ITGB4: variants seen among roughly 807,000 people sequenced by gnomAD.
ITGB4 encodes integrin beta-4.
A neutral mutation model predicts 207.6 loss-of-function variants in ITGB4; 159 were observed. The ratio of observed to expected loss-of-function variants is 0.77; its 90% CI spans 0.67 to 0.87. ITGB4 has a LOEUF of 0.87. Ranked by LOEUF, ITGB4 falls within the 40% of genes least tolerant of loss-of-function variation. ITGB4 has a pLI of 0.00. For missense variants in ITGB4, 2,278 were observed against 2,546.8 expected, an observed-to-expected ratio of 0.89 and a Z score of 2.27; for synonymous variants, 1,020 against 1,062.7, an observed-to-expected ratio of 0.96 and a Z score of 0.78.
intron 13 of ITGB4, among the ~76,000 whole-genome samples, chr17:75,734,127 G>GT (rs58249158): frequency 0.027 from 2,064 of 76,092 alleles, 382 homozygotes; most frequent in African/African-American, 0.067. Flanking sequence ...TGTTGCTGCT[G>GT]TTTTTTTTTT....
In ITGB4 at chr17:75,731,845, C is replaced by T; in HGVS notation, c.1249C>T (p.His417Tyr). Residue 417 changes from histidine (H) to tyrosine (Y), a missense_variant, in exon 11 of 40, where the codon CAC becomes TAC. Transcript: ENST00000200181. This position sits in a 1 kb window ranked among gnomAD's most constrained non-coding sequence, Gnocchi z 6.8. ...IYQVQLRALE[H>Y]VDGTHVCQLP... is the part of the protein sequence containing the mutation. ...CCAGGTGCAGCTGCGGGCCCTTGAG[C>T]ACGTGGATGGGACGCACGTGTGCCA... 4 of 1,611,044 alleles carry T rather than the reference C, an allele frequency of 2.5e-6. No homozygotes were observed. The highest frequency in any genetic ancestry group is 3.4e-6 in the Non-Finnish European group (4 of 1,178,796).
In ITGB4 at chr17:75,743,814, T is replaced by C; in HGVS notation, c.3064T>C (p.Ser1022Pro). 1 of 1,610,422 alleles carries C rather than the reference T, an allele frequency of 6.2e-7. No individual in the cohort carries two copies. Among genetic ancestry groups the C allele is most frequent in the Non-Finnish European group, 8.5e-7 (1 of 1,178,692 alleles). Residue 1022 changes from serine (S) to proline (P), a missense_variant, in exon 26 of 40, where the codon TCC (serine) becomes CCC (proline). By Grantham distance (74) the Ser-to-Pro change is moderately conservative. Transcript: ENST00000200181. Reference protein sequence around the residue: ...VIRRVLDGGKSQVSYRTQDGT... With the variant: ...VIRRVLDGGKPQVSYRTQDGT... ...CCGGCGTGTCCTGGACGGCGGGAAG[T>C]CCCAGGTCTCCTACCGCACACAGGA...
At chr17:75,725,303 A>AT (rs2060696293) in intron 2 of ITGB4, among the ~76,000 whole-genome samples, 1 of 151,612 alleles carries the variant, frequency 6.6e-6, no homozygotes, top group African/African-American at 2.4e-5. Context: ...AGCCGTTGTT[A>AT]TTTTTTTATT....
chr17:75,756,834 G>A lies in ITGB4; in HGVS notation c.5028G>A (p.Val1676=). ...ATGGGGATATCGTCGGCTACCTGGT[G>A]ACCTGTGAGATGGCCCAAGGAGGAG... ...RPNGDIVGYL[V]TCEMAQGGGP... Residue 1676 remains valine (V), a synonymous_variant, in exon 37 of 40, where the codon GTG becomes GTA. Transcript: ENST00000200181. 6.2e-7 allele frequency: 1 copy of A among 1,612,362 alleles called. No individual in the cohort carries two copies. Among genetic ancestry groups the A allele is most frequent in the South Asian group, 1.1e-5 (1 of 91,052 alleles).
chr17:75,755,157 GC>G (rs755123653), intron 34 of ITGB4: 2 of 1,611,652 alleles, frequency 1.2e-6, no homozygotes, highest in Non-Finnish European at 1.7e-6. Flanking sequence ...CCTTCCAGGG[GC>G]CCACGAGACT....
intron 35 of ITGB4, 69 bp from the exon 36 acceptor site, chr17:75,756,360 G>A (rs550246005): frequency 1.3e-6 from 2 of 1,567,794 alleles, no homozygotes; most frequent in African/African-American, 2.7e-5. Flanking sequence ...GCAGCTTAGG[G>A]ACGAGGAGGA....
At chr17:75,745,438 AAG>A (rs2061212334) in intron 26 of ITGB4, among the ~76,000 whole-genome samples, 1 of 152,106 alleles carries the variant, frequency 6.6e-6, no homozygotes, top group Admixed American at 6.5e-5. Flanking sequence ...CAAAAAAACA[AAG>A]AAACAAAACC....
Position 75,730,220 on chromosome 17 carries a change from G to A in ITGB4, c.739-21G>A, listed in dbSNP as rs532372964. Reference sequence around the variant, plus strand: ...AGCAGGCAGCCTGCTCAGTGGGCACGCCCCGCCTTGCCTTCCCCAGAGGGA... The same window carrying A: ...AGCAGGCAGCCTGCTCAGTGGGCACACCCCGCCTTGCCTTCCCCAGAGGGA... On this transcript the variant is annotated intron_variant, in intron 7 of 39. Transcript: ENST00000200181. The A allele has an allele frequency of 2.5e-5, 40 of 1,611,754 alleles. No homozygotes were observed. In the East Asian group the frequency reaches 4.9e-4, roughly 20 times the overall value.
At chr17:75,738,362 G>C (rs2061029099) in intron 18 of ITGB4, among the ~76,000 whole-genome samples, 1 of 152,170 alleles carries the variant, frequency 6.6e-6, no homozygotes, top group Non-Finnish European at 1.5e-5. Context: ...TCTTTGTGCT[G>C]TCGCCACAGC....
At position 75,732,052 on chromosome 17, in the gene ITGB4, T is replaced by A. The variant is rs2060873232; in HGVS notation, c.1377+79T>A. 1 of 1,609,000 alleles carries A rather than the reference T, an allele frequency of 6.2e-7. No individual in the cohort carries two copies. The highest frequency in any genetic ancestry group is 1.1e-5 in the South Asian group (1 of 90,944). ...ACCCTGAGGAATGAAGCAGGACTCC[T>A]GTGCCCCATATCCCTTGTGGGGTTT... On this transcript the variant is annotated intron_variant, in intron 11 of 39. Transcript: ENST00000200181. This position sits in a 1 kb window ranked among gnomAD's most constrained non-coding sequence, Gnocchi z 5.3.
At position 75,748,962 on chromosome 17, in the gene ITGB4, G is replaced by T; in HGVS notation, c.3233G>T (p.Arg1078Leu). 1.9e-6 allele frequency: 3 copies of T among 1,613,416 alleles called. No homozygotes were observed. Among genetic ancestry groups the T allele is most frequent in the Non-Finnish European group, 2.5e-6 (3 of 1,179,994 alleles). Residue 1078 changes from arginine (R) to leucine (L), a missense_variant, in exon 27 of 40, where the codon CGT (arginine) becomes CTT (leucine). Transcript: ENST00000200181. ...CTCCTGCGGGGCCGCCAGGTCCGCC[G>T]TTTCCACGTCCAGCTCAGCAACCCT... is the stretch of plus-strand genomic sequence containing the variant. ...DSLLRGRQVRRFHVQLSNPKF... is the reference protein window; with the variant it reads ...DSLLRGRQVRLFHVQLSNPKF...
chr17:75,754,860 C>G (rs780529236), intron 34 of ITGB4, 45 bp downstream of exon 34: 11 of 1,613,104 alleles, frequency 6.8e-6, no homozygotes, highest in African/African-American at 1.3e-5. Context: ...AACCCTTCCT[C>G]TCTTCCAGCT....
intron 32 of ITGB4, 84 bp downstream of exon 32, chr17:75,752,661 G>A: frequency 6.4e-7 from 1 of 1,551,564 alleles, no homozygotes; most frequent in Non-Finnish European, 8.8e-7. Flanking sequence ...AGGGCAAAGG[G>A]GCCAGCAACT....
rs543945383 is a variant in ITGB4, at chr17:75,753,869, G to A, written c.4213G>A (p.Gly1405Arg). 2.2e-6 allele frequency: 3 copies of A among 1,358,880 alleles called. No homozygotes were observed. The highest frequency in any genetic ancestry group is 9.5e-7 in the Non-Finnish European group (1 of 1,054,910). The allele number at this position is 1,358,880 out of a possible 1,614,324, so 84.2% of individuals were successfully genotyped here. A position where few individuals can be genotyped will look rare whatever the true frequency, so the allele number is the denominator to read the frequency against. The change falls in exon 33 of 40, where the codon GGG becomes AGG. Residue 1405 changes from glycine (G) to arginine (R), a missense_variant. Coordinates refer to ENST00000200181, the MANE Select transcript of ITGB4 (RefSeq NM_000213.5). ...CATCCCGCGCCTGTCGGCCAGCAGCGGGCGCTCCTCCGACGCCGAGGCGCC... is the reference window on the plus strand; with the variant it reads ...CATCCCGCGCCTGTCGGCCAGCAGCAGGCGCTCCTCCGACGCCGAGGCGCC... ...ELIPRLSASS[G>R]RSSDAEAPHG...
Position 75,754,801 on chromosome 17 carries a change from C to T in ITGB4, c.4544C>T (p.Ser1515Phe). The T allele has an allele frequency of 6.2e-7, 1 of 1,614,140 alleles. No individual in the cohort carries two copies. The highest frequency in any genetic ancestry group is 1.3e-5 in the African/African-American group (1 of 75,052). ...TLPRDYSTLT[S>F]VSSHDSRLTA... ...CCCAGGGACTACTCCACCCTCACCT[C>T]CGTCTCCTCCCACGGTGAGTGACCT... The change falls in exon 34 of 40, where the codon TCC becomes TTC. Residue 1515 changes from serine to phenylalanine, a missense_variant. Transcript: ENST00000200181.
intron 6 of ITGB4, among the ~76,000 whole-genome samples, chr17:75,728,767 G>A (rs565365324): frequency 2.4e-4 from 37 of 152,144 alleles, no homozygotes; most frequent in African/African-American, 8.9e-4. Context: ...GGTGGATCAC[G>A]AGGTCAGGAG....
In ITGB4 at chr17:75,740,442, G is replaced by C. The variant is rs140819116; in HGVS notation, c.2531G>C (p.Arg844Pro). 5 of 1,613,580 alleles carry C rather than the reference G, an allele frequency of 3.1e-6. No homozygotes were observed. The African/African-American group carries it at 5.3e-5, about 17-fold the overall frequency. ...KPDTRECAQLRQEVEENLNEV... is the reference protein window; with the variant it reads ...KPDTRECAQLPQEVEENLNEV... ...GACACTCGGGAGTGCGCCCAGCTGC[G>C]CCAGGAGGTGGAGGAGAACGTAAGG... The change falls in exon 21 of 40, where the codon CGC (arginine) becomes CCC (proline). Residue 844 changes from arginine (R) to proline (P), a missense_variant. Transcript: ENST00000200181. The surrounding 1 kb of genome is among the most constrained non-coding windows in gnomAD (Gnocchi z 5.9).
rs141916774 is a variant in ITGB4, at chr17:75,731,862, C to A, written c.1266C>A (p.His422Gln). ...LRALEHVDGT[H>Q]VCQLPEDQKG... ...CCCTTGAGCACGTGGATGGGACGCA[C>A]GTGTGCCAGCTGCCGGAGGACCAGA... The change falls in exon 11 of 40, where the codon CAC becomes CAA. Residue 422 changes from histidine to glutamine, a missense_variant. By Grantham distance (24) the His-to-Gln change is conservative. Transcript: ENST00000200181. The surrounding 1 kb of genome is among the most constrained non-coding windows in gnomAD (Gnocchi z 6.8). The A allele has an allele frequency of 1.7e-5, 28 of 1,613,070 alleles. No individual in the cohort carries two copies. The highest frequency in any genetic ancestry group is 2.2e-5 in the Non-Finnish European group (26 of 1,179,686).
chr17:75,754,742 G>A lies in ITGB4; in HGVS notation c.4485G>A (p.Leu1495=), dbSNP rs2061447939. 1 of 1,612,494 alleles carries A rather than the reference G, an allele frequency of 6.2e-7. No individual in the cohort carries two copies. Among genetic ancestry groups the A allele is most frequent in the African/African-American group, 1.3e-5 (1 of 74,874 alleles). ...SSTLTRDYNS[L]TRSEHSHSTT... is the part of the protein sequence containing the mutation. Reference sequence around the variant, plus strand: ...CCCTCACACGGGACTACAACTCACTGACCCGCTCAGAACACTCACACTCGA... The same window carrying A: ...CCCTCACACGGGACTACAACTCACTAACCCGCTCAGAACACTCACACTCGA... The change falls in exon 34 of 40, where the codon CTG becomes CTA. Residue 1495 remains leucine (L), a synonymous_variant. Coordinates refer to ENST00000200181, the MANE Select transcript of ITGB4 (RefSeq NM_000213.5).
Sources: allele counts gnomAD v4.1 joint callset (sites outside exome capture counted in the v4.1 genomes callset), GRCh38; gene constraint gnomAD v4.1.1; non-coding constraint Gnocchi (gnomAD v3.1); transcripts MANE v1.5; gene names NCBI Gene and HGNC (gene_info 2026-07-23, HGNC 2026-07-21).